The following SERP2 variants were observed in gnomAD, a reference collection of about 807,000 sequenced individuals.
The protein encoded by SERP2 is stress associated endoplasmic reticulum protein family member 2.
Under a neutral mutation model 9.1 loss-of-function variants are expected in SERP2, and 6 were observed. The observed-to-expected ratio is 0.66, with a 90% CI of 0.36 to 1.30. The LOEUF is 1.30. Ranked by LOEUF, SERP2 falls within the 50% of genes most tolerant of loss-of-function variation. The pLI is 0.03. For missense variants in SERP2, 58 were observed against 81.9 expected (o/e 0.71, Z 1.13); for synonymous variants, 37 against 27.3 (o/e 1.35, Z -1.10).
intron 2 of SERP2, among the ~76,000 whole-genome samples, chr13:44,380,183 G>A (rs982385355): frequency 7.2e-5 from 11 of 152,166 alleles, no homozygotes; most frequent in African/African-American, 2.7e-4. Context: ...ACTGTAAGGT[G>A]GCAAGTTGAG....
At chr13:44,381,238 CAAA>C (rs58535681) in intron 2 of SERP2, among the ~76,000 whole-genome samples, 1 of 46,010 alleles carries the variant, frequency 2.2e-5, no homozygotes, top group Non-Finnish European at 4.8e-5. Flanking sequence ...AACTCCGTCT[CAAA>C]AAAAAAAAAA....
chr13:44,395,040 C>T (rs1873005170), intron 2 of SERP2, among the ~76,000 whole-genome samples: 1 of 152,222 alleles, frequency 6.6e-6, no homozygotes, highest in Non-Finnish European at 1.5e-5. Context: ...TCCATCTGAT[C>T]CTAACTTTCT....
At chr13:44,381,137 T>G (rs929168184) in intron 2 of SERP2, among the ~76,000 whole-genome samples, 1 of 149,622 alleles carries the variant, frequency 6.7e-6, no homozygotes, top group Non-Finnish European at 1.5e-5. Context: ...CTTGGGAGAC[T>G]GAGGCAGGAG....
At chr13:44,383,812 A>G (rs899901196) in intron 2 of SERP2, among the ~76,000 whole-genome samples, 3 of 151,620 alleles carry the variant, frequency 2.0e-5, no homozygotes, top group Admixed American at 6.6e-5. Context: ...TGGCCTCCCA[A>G]AGTGCTGGGA....
chr13:44,392,761 G>A (rs973874722), intron 2 of SERP2, among the ~76,000 whole-genome samples: 2 of 152,220 alleles, frequency 1.3e-5, no homozygotes, highest in African/African-American at 4.8e-5. Context: ...ACTAGATAGT[G>A]GAAGGTGTGC....
At chr13:44,382,233 A>G (rs1872024690) in intron 2 of SERP2, among the ~76,000 whole-genome samples, 1 of 151,804 alleles carries the variant, frequency 6.6e-6, no homozygotes, top group African/African-American at 2.4e-5. Flanking sequence ...GTCAGGAGAT[A>G]AGACCATCCT....
At chr13:44,386,916 C>G (rs1019331165) in intron 2 of SERP2, among the ~76,000 whole-genome samples, 12 of 152,142 alleles carry the variant, frequency 7.9e-5, no homozygotes, top group African/African-American at 2.7e-4. Flanking sequence ...TCATAAGAGA[C>G]TTTGCCCTTT....
chr13:44,388,403 C>T (rs1872450746), intron 2 of SERP2, among the ~76,000 whole-genome samples: 1 of 152,278 alleles, frequency 6.6e-6, no homozygotes, highest in Non-Finnish European at 1.5e-5. Flanking sequence ...CAGTATATCT[C>T]CCTATGTTGC....
chr13:44,392,193 T>G (rs1872814083), intron 2 of SERP2, among the ~76,000 whole-genome samples: 1 of 196 alleles, frequency 5.1e-3, no homozygotes, highest in Admixed American at 0.029. Context: ...TGAGACTCTG[T>G]CTCAAAAAAA....
intron 2 of SERP2, among the ~76,000 whole-genome samples, chr13:44,389,861 G>A (rs1273668624): frequency 6.6e-6 from 1 of 152,096 alleles, no homozygotes; most frequent in Non-Finnish European, 1.5e-5. Context: ...CTGACTACTT[G>A]TAATGCCAGG....
chr13:44,387,481 C>T (rs1050349146), intron 2 of SERP2, among the ~76,000 whole-genome samples: 16 of 152,214 alleles, frequency 1.1e-4, no homozygotes, highest in African/African-American at 3.1e-4. Context: ...CAGCTGTCTT[C>T]GGCATTTCCA....
rs1263848158 is a variant in SERP2 at position 44,390,428 on chromosome 13, C to T, written c.158-6844C>T. ...CAAAGTTGTAACATCCAGAGGGAGT[C>T]ACCCCACCCCCAAGACCGGCAACTG... On this transcript the variant is annotated intron_variant, in intron 2 of 2. Transcript: ENST00000379179. 4 of 456,436 alleles carry T rather than the reference C, an allele frequency of 8.8e-6. No individual in the cohort carries two copies. In the Middle Eastern group the frequency reaches 9.8e-4, roughly 111 times the overall value. The allele number at this position is 456,436 out of a possible 1,614,324, so 28.3% of individuals were successfully genotyped here.
Position 44,373,940 on chromosome 13 carries a change from G to C in SERP2, c.-86G>C. On this transcript the variant is annotated 5_prime_UTR_variant, in exon 1 of 3. Coordinates refer to ENST00000379179, the MANE Select transcript of SERP2 (RefSeq NM_001010897.3). The surrounding 1 kb of genome is among the most constrained non-coding windows in gnomAD (Gnocchi z 4.8). ...TGCAGCGCCCGGGTGGGCCGCGGGG[G>C]CCTCGGCGGGACGCGCTCGGCCCTG... 7.8e-7 allele frequency: 1 copy of C among 1,281,424 alleles called. No individual in the cohort carries two copies. The allele number at this position is 1,281,424 out of a possible 1,614,324, so 79.4% of individuals were successfully genotyped here.
upstream of SERP2, chr13:44,373,691 C>A (rs1871440198): frequency 3.3e-6 from 1 of 301,320 alleles, no homozygotes; most frequent in East Asian, 8.3e-5. The surrounding 1 kb of genome is among the most constrained non-coding windows in gnomAD (Gnocchi z 4.8). Flanking sequence ...CCCGGCTCTG[C>A]GCGCTGCGCT....
At chr13:44,388,282 GTGTGTGTT>G (rs770830803) in intron 2 of SERP2, among the ~76,000 whole-genome samples, 9 of 448 alleles carry the variant, frequency 0.02, no homozygotes, top group Non-Finnish European at 0.056. Context: ...GTTTTTTTGT[GTGTGTGTT>G]TGTTTCCATG....
chr13:44,373,987 G>T lies in SERP2; in HGVS notation c.-39G>T, dbSNP rs1326410463. ...CCTGTCGCAGGAGCTAACGCAGGGG[G>T]AATCCTTGCAGGTGGGAGCATTTCA... On this transcript the variant is annotated 5_prime_UTR_variant, in exon 1 of 3. Coordinates refer to ENST00000379179, the MANE Select transcript of SERP2 (RefSeq NM_001010897.3). The surrounding 1 kb of genome is among the most constrained non-coding windows in gnomAD (Gnocchi z 4.8). 1.3e-6 allele frequency: 2 copies of T among 1,550,620 alleles called. No homozygotes were observed. The highest frequency in any genetic ancestry group is 1.4e-5 in the African/African-American group (1 of 70,664).
At chr13:44,379,966 A>G (rs1457890597) in intron 2 of SERP2, among the ~76,000 whole-genome samples, 2 of 152,252 alleles carry the variant, frequency 1.3e-5, no homozygotes, top group Admixed American at 6.5e-5. Flanking sequence ...TATACACTGT[A>G]GAGTTCAGTA....
chr13:44,389,425 T>C (rs997275721), intron 2 of SERP2, among the ~76,000 whole-genome samples: 1 of 152,120 alleles, frequency 6.6e-6, no homozygotes, highest in South Asian at 2.1e-4. Flanking sequence ...ACAATGCATG[T>C]GGAATGTTTA....
At chr13:44,380,815 A>C (rs1198046477) in intron 2 of SERP2, among the ~76,000 whole-genome samples, 2 of 152,218 alleles carry the variant, frequency 1.3e-5, no homozygotes. Context: ...ATACTTCTTC[A>C]AAAAGCCTAT....
Sources: allele counts gnomAD v4.1 joint callset (sites outside exome capture counted in the v4.1 genomes callset), GRCh38; gene constraint gnomAD v4.1.1; non-coding constraint Gnocchi (gnomAD v3.1); transcripts MANE v1.5; gene names NCBI Gene and HGNC (gene_info 2026-07-23, HGNC 2026-07-21).